The following ADGRB3 variants were observed in gnomAD, a reference collection of about 807,000 sequenced individuals.
ADGRB3 encodes the protein brain-specific angiogenesis inhibitor 3.
In ADGRB3, 37 loss-of-function variants were observed where a neutral mutation model predicts 193.4. The observed-to-expected ratio is 0.19, with a 90% CI of 0.15 to 0.25. The LOEUF is 0.25. ADGRB3 is among the 10% of genes least tolerant of loss of function. The pLI is 1.00. For missense variants in ADGRB3, 1,637 were observed against 1,852.9 expected, an observed-to-expected ratio of 0.88 and a Z score of 2.14; for synonymous variants, 690 against 644.2, an observed-to-expected ratio of 1.07 and a Z score of -1.08.
chr6:69,197,829 G>A (rs973353535), intron 17 of ADGRB3, among the ~76,000 whole-genome samples: 18 of 152,064 alleles, frequency 1.2e-4, no homozygotes, highest in Admixed American at 1.0e-3. Context: ...GATTCATGAA[G>A]TATTTTGCAA....
chr6:68,694,904 G>A (rs1337900488), intron 3 of ADGRB3, among the ~76,000 whole-genome samples: 1 of 151,890 alleles, frequency 6.6e-6, no homozygotes, highest in African/African-American at 2.4e-5. Context: ...GTCTCTATGG[G>A]TTTAGGGTTT....
intron 20 of ADGRB3, among the ~76,000 whole-genome samples, chr6:69,304,638 CT>C (rs1768026425): frequency 1.3e-5 from 2 of 151,552 alleles, no homozygotes; most frequent in Admixed American, 6.6e-5. Context: ...ATTGTTTCTT[CT>C]ACTGCTCTGT....
chr6:68,745,667 T>A (rs1766069424), intron 3 of ADGRB3, among the ~76,000 whole-genome samples: 1 of 151,720 alleles, frequency 6.6e-6, no homozygotes, highest in Admixed American at 6.6e-5. Flanking sequence ...TTATTTATTT[T>A]GAAATAAATG....
chr6:69,280,790 G>A (rs1767418238), intron 20 of ADGRB3, among the ~76,000 whole-genome samples: 1 of 151,976 alleles, frequency 6.6e-6, no homozygotes, highest in South Asian at 2.1e-4. Context: ...GCTCTAAACA[G>A]TAAACACCTC....
rs149736238 is a variant in ADGRB3 at position 68,748,813 on chromosome 6, G to A, written c.757+109381G>A. Reference sequence around the variant, plus strand: ...AGCAGAGGTTCTCCATGAGGACCCCGCCCCTGCAACAAACTTTTCCCTGGG... The same window carrying A: ...AGCAGAGGTTCTCCATGAGGACCCCACCCCTGCAACAAACTTTTCCCTGGG... On this transcript the variant is annotated intron_variant, in intron 3 of 31. Coordinates refer to ENST00000370598, the MANE Select transcript of ADGRB3 (RefSeq NM_001704.3). Among the ~76,000 whole-genome samples the A allele has an allele frequency of 3.5e-3, 534 of 152,210 alleles. 5 individuals are homozygous for A. Among genetic ancestry groups the A allele is most frequent in the African/African-American group, 0.011 (471 of 41,546 alleles).
At chr6:69,147,218 T>G (rs753192456) in intron 17 of ADGRB3, among the ~76,000 whole-genome samples, 13 of 152,216 alleles carry the variant, frequency 8.5e-5, no homozygotes, top group Non-Finnish European at 1.0e-4. Context: ...TTTCTAATTC[T>G]TTAAGATGCA....
intron 20 of ADGRB3, among the ~76,000 whole-genome samples, chr6:69,304,330 C>T (rs1768017796): frequency 6.7e-6 from 1 of 150,256 alleles, no homozygotes; most frequent in East Asian, 2.0e-4. Flanking sequence ...ATCCATATGA[C>T]CTGAATACAT....
At chr6:69,290,641 T>C (rs1365167089) in intron 20 of ADGRB3, among the ~76,000 whole-genome samples, 3 of 152,196 alleles carry the variant, frequency 2.0e-5, no homozygotes, top group South Asian at 2.1e-4. Flanking sequence ...TTCTATCACA[T>C]AGTTTTTCTC....
chr6:68,861,526 C>T (rs763707299), intron 3 of ADGRB3, among the ~76,000 whole-genome samples: 35 of 152,118 alleles, frequency 2.3e-4, no homozygotes, highest in Non-Finnish European at 4.3e-4. Flanking sequence ...CGCGCCACTG[C>T]ACTCCAGCCT....
chr6:69,203,505 G>A (rs1765476921), intron 17 of ADGRB3, among the ~76,000 whole-genome samples: 2 of 150,284 alleles, frequency 1.3e-5, no homozygotes, highest in African/African-American at 4.9e-5. Context: ...GACATGCTAT[G>A]AATTATTGGA....
At chr6:69,255,877 G>T (rs529794209) in intron 20 of ADGRB3, among the ~76,000 whole-genome samples, 1 of 152,158 alleles carries the variant, frequency 6.6e-6, no homozygotes, top group Admixed American at 6.5e-5. Flanking sequence ...ATTAATTTTT[G>T]TATAAGGTGT....
chr6:69,245,011 C>T (rs574737391), intron 20 of ADGRB3, among the ~76,000 whole-genome samples: 3 of 152,146 alleles, frequency 2.0e-5, no homozygotes, highest in Admixed American at 6.6e-5. Context: ...ATTTCTGTCT[C>T]CACCCCAGTC....
At chr6:68,879,377 T>C (rs9346259) in intron 3 of ADGRB3, among the ~76,000 whole-genome samples, 132,629 of 151,804 alleles carry the variant, frequency 0.87, 58,201 homozygotes, top group Middle Eastern at 0.95. Flanking sequence ...CCACCACGCC[T>C]GGCTAATTTT....
chr6:69,265,270 A>C (rs1767014642), intron 20 of ADGRB3, among the ~76,000 whole-genome samples: 1 of 152,002 alleles, frequency 6.6e-6, no homozygotes, highest in South Asian at 2.1e-4. Flanking sequence ...ATTGAGTCAC[A>C]GAGCTTGTAA....
chr6:69,140,540 G>A (rs1215220987), intron 17 of ADGRB3, among the ~76,000 whole-genome samples: 2 of 151,670 alleles, frequency 1.3e-5, no homozygotes, highest in Non-Finnish European at 2.9e-5. Flanking sequence ...GTGGTTAATG[G>A]GTATAAAAAT....
chr6:69,003,490 A>G (rs1354767376), intron 11 of ADGRB3, among the ~76,000 whole-genome samples: 4 of 152,176 alleles, frequency 2.6e-5, no homozygotes, highest in Non-Finnish European at 5.9e-5. Context: ...GCTTCAATCA[A>G]TAGCCAGGAT....
At chr6:69,353,018 A>C (rs1769259904) in intron 26 of ADGRB3, among the ~76,000 whole-genome samples, 1 of 152,226 alleles carries the variant, frequency 6.6e-6, no homozygotes, top group South Asian at 2.1e-4. Flanking sequence ...TAGAAAAACA[A>C]AGTAGTGAAA....
intron 20 of ADGRB3, among the ~76,000 whole-genome samples, chr6:69,259,624 A>G (rs1431117150): frequency 1.4e-5 from 2 of 143,034 alleles, no homozygotes; most frequent in African/African-American, 5.3e-5. Flanking sequence ...TGAACTCGGG[A>G]GGCAGAGCTT....
intron 3 of ADGRB3, among the ~76,000 whole-genome samples, chr6:68,889,423 A>G (rs190310764): frequency 2.0e-5 from 3 of 152,290 alleles, no homozygotes; most frequent in Admixed American, 6.5e-5. Context: ...GAAATTGGTA[A>G]TATGTCCACA....
Sources: gnomAD v4.1 joint callset for allele counts (sites outside exome capture counted in the v4.1 genomes callset) on GRCh38, gnomAD v4.1.1 for gene constraint, MANE v1.5 for transcripts, NCBI Gene and HGNC (gene_info 2026-07-23, HGNC 2026-07-21) for gene names.